Variants in LRRC8B observed in about 807,000 individuals in gnomAD.
LRRC8B encodes the protein leucine rich repeat containing 8 VRAC subunit B.
A neutral mutation model predicts 58.8 loss-of-function variants in LRRC8B; 23 were observed. That is an observed-to-expected ratio of 0.39 (90% CI 0.28 to 0.55). The LOEUF is 0.55. Ranked by LOEUF, LRRC8B falls within the 20% of genes least tolerant of loss-of-function variation. LRRC8B has a pLI of 0.62. For missense variants in LRRC8B, 694 were observed against 936.0 expected (o/e 0.74, Z 3.37); for synonymous variants, 359 against 374.1 (o/e 0.96, Z 0.47).
chr1:89,557,524 T>G (rs970992332), intron 1 of LRRC8B, among the ~76,000 whole-genome samples: 3 of 152,234 alleles, frequency 2.0e-5, no homozygotes, highest in African/African-American at 7.2e-5. Flanking sequence ...TGTGATTATC[T>G]GTATTTTAAA....
intron 3 of LRRC8B, among the ~76,000 whole-genome samples, chr1:89,575,525 A>T (rs1006484064): frequency 6.6e-6 from 1 of 152,162 alleles, no homozygotes; most frequent in Non-Finnish European, 1.5e-5. Context: ...CCTCCCACAG[A>T]ATCTCAAGAA....
At chr1:89,569,665 G>A (rs1196180405) in intron 3 of LRRC8B, among the ~76,000 whole-genome samples, 1 of 152,128 alleles carries the variant, frequency 6.6e-6, no homozygotes, top group Non-Finnish European at 1.5e-5. Flanking sequence ...TGGCTATGTA[G>A]TATTCCATGG....
intron 1 of LRRC8B, among the ~76,000 whole-genome samples, chr1:89,565,386 T>A (rs1189429826): frequency 9.1e-6 from 1 of 110,210 alleles, no homozygotes; most frequent in Non-Finnish European, 2.1e-5. Flanking sequence ...TCTCAGTCAT[T>A]ATAATGCACC....
chr1:89,545,136 TC>T (rs1309060112), intron 1 of LRRC8B, among the ~76,000 whole-genome samples: 1 of 152,232 alleles, frequency 6.6e-6, no homozygotes, highest in African/African-American at 2.4e-5. Context: ...TGATTCTTAA[TC>T]CCATCTGATC....
chr1:89,561,093 A>G (rs1379799631), intron 1 of LRRC8B, among the ~76,000 whole-genome samples: 1 of 151,196 alleles, frequency 6.6e-6, no homozygotes, highest in Non-Finnish European at 1.5e-5. Context: ...CTGGTGTGAG[A>G]TGGTATCTCA....
chr1:89,537,600 G>A (rs928973926), intron 1 of LRRC8B, among the ~76,000 whole-genome samples: 16 of 152,164 alleles, frequency 1.1e-4, no homozygotes, highest in African/African-American at 3.9e-4. Flanking sequence ...AGCCTCCCTA[G>A]TAGCTGGGAT....
chr1:89,574,315 A>G (rs1184270746), intron 3 of LRRC8B, among the ~76,000 whole-genome samples: 1 of 152,284 alleles, frequency 6.6e-6, no homozygotes, highest in African/African-American at 2.4e-5. Context: ...GAATCAAAAC[A>G]AAAATTGGTA....
In LRRC8B at chr1:89,582,734, G is replaced by T; in HGVS notation, c.84G>T (p.Trp28Cys). Residue 28 changes from tryptophan (W) to cysteine (C), a missense_variant, in exon 5 of 6, where the codon TGG becomes TGT. By Grantham distance (215) the Trp-to-Cys change is radical. This residue lies in a region of LRRC8B where 316 missense variants were observed against 403.8 expected (regional missense o/e 0.78). Coordinates refer to ENST00000330947, the MANE Select transcript of LRRC8B (RefSeq NM_001369817.2). ...HILKPWWDVFWYYITLIMLLV... is the reference protein window; with the variant it reads ...HILKPWWDVFCYYITLIMLLV... ...TAAAACCATGGTGGGACGTCTTCTG[G>T]TATTACATCACACTGATCATGCTGC... 1 of 1,614,146 alleles carries T rather than the reference G, an allele frequency of 6.2e-7. No individual in the cohort carries two copies.
intron 3 of LRRC8B, among the ~76,000 whole-genome samples, chr1:89,572,044 C>G (rs1653510615): frequency 6.6e-6 from 1 of 152,156 alleles, no homozygotes; most frequent in Non-Finnish European, 1.5e-5. Context: ...GAGTCTAAGT[C>G]TCTTTAAGGT....
intron 1 of LRRC8B, among the ~76,000 whole-genome samples, chr1:89,529,963 C>A (rs1350848370): frequency 6.6e-6 from 1 of 151,938 alleles, no homozygotes; most frequent in Non-Finnish European, 1.5e-5. Context: ...ATGTTCCCCA[C>A]CCTCGTGGAG....
chr1:89,548,611 G>A (rs1651582139), intron 1 of LRRC8B, among the ~76,000 whole-genome samples: 1 of 152,146 alleles, frequency 6.6e-6, no homozygotes, highest in South Asian at 2.1e-4. Flanking sequence ...AACAGCAGAT[G>A]CAAACTCAGG....
intron 1 of LRRC8B, among the ~76,000 whole-genome samples, chr1:89,543,100 AG>A (rs1309853512): frequency 6.6e-6 from 1 of 152,252 alleles, no homozygotes; most frequent in Non-Finnish European, 1.5e-5. Context: ...TAGCTGTCTC[AG>A]GACCAGATCA....
At chr1:89,579,134 A>T (rs1654052460) in intron 3 of LRRC8B, among the ~76,000 whole-genome samples, 1 of 152,214 alleles carries the variant, frequency 6.6e-6, no homozygotes, top group South Asian at 2.1e-4. Context: ...CTGTCTGAAA[A>T]ATGCAAATAA....
intron 1 of LRRC8B, among the ~76,000 whole-genome samples, chr1:89,547,817 G>T (rs1333228006): frequency 6.6e-6 from 1 of 152,138 alleles, no homozygotes; most frequent in African/African-American, 2.4e-5. Flanking sequence ...GGGAGGGGAG[G>T]GGGTGCGGGG....
intron 3 of LRRC8B, among the ~76,000 whole-genome samples, chr1:89,578,700 C>T (rs1433287044): frequency 6.6e-6 from 1 of 151,760 alleles, no homozygotes; most frequent in African/African-American, 2.4e-5. Context: ...ATTTGAAGTA[C>T]TTTTTAAAAA....
chr1:89,525,871 C>T (rs1202932418), intron 1 of LRRC8B, among the ~76,000 whole-genome samples: 1 of 151,530 alleles, frequency 6.6e-6, no homozygotes, highest in East Asian at 1.9e-4. Context: ...AACAAACAAA[C>T]AAAAAAACAC....
intron 1 of LRRC8B, among the ~76,000 whole-genome samples, chr1:89,562,569 A>G (rs1296518978): frequency 6.6e-6 from 1 of 151,798 alleles, no homozygotes; most frequent in Non-Finnish European, 1.5e-5. Context: ...GACCTCCTGA[A>G]CTCAAGCAGT....
At chr1:89,573,128 A>C (rs1235241737) in intron 3 of LRRC8B, among the ~76,000 whole-genome samples, 1 of 151,998 alleles carries the variant, frequency 6.6e-6, no homozygotes, top group Non-Finnish European at 1.5e-5. Context: ...GTGAAAACCC[A>C]TCTCTACTAA....
Position 89,583,505 on chromosome 1 carries a change from T to C in LRRC8B, c.855T>C (p.Leu285=). The C allele has an allele frequency of 6.2e-7, 1 of 1,613,660 alleles. No individual in the cohort carries two copies. Among genetic ancestry groups the C allele is most frequent in the Non-Finnish European group, 8.5e-7 (1 of 1,180,042 alleles). Residue 285 remains leucine (L), a synonymous_variant, in exon 5 of 6, where the codon CTT becomes CTC. Coordinates refer to ENST00000330947, the MANE Select transcript of LRRC8B (RefSeq NM_001369817.2). This position sits in a 1 kb window ranked among gnomAD's most constrained non-coding sequence, Gnocchi z 5.2. ...YVPYFLTHIT[L]EIDCSVDVQA... is the part of the protein sequence containing the mutation. ...CATATTTTTTAACCCACATCACTCT[T>C]GAAATCGACTGTTCAGTTGATGTGC...
Sources: allele counts gnomAD v4.1 joint callset (sites outside exome capture counted in the v4.1 genomes callset), GRCh38; gene constraint gnomAD v4.1.1; regional missense constraint gnomAD v4.1.1; non-coding constraint Gnocchi (gnomAD v3.1); transcripts MANE v1.5; gene names NCBI Gene and HGNC (gene_info 2026-07-23, HGNC 2026-07-21).